The following MLLT1 variants were observed in gnomAD, a reference collection of about 807,000 sequenced individuals.
MLLT1 encodes MLLT1 super elongation complex subunit, also known as protein ENL.
In MLLT1, 11 loss-of-function variants were observed where a neutral mutation model predicts 55.1. The ratio of observed to expected loss-of-function variants is 0.20; its 90% confidence interval spans 0.13 to 0.33. The LOEUF (loss-of-function observed/expected upper bound fraction) is 0.33. Among genes scored for constraint, MLLT1 ranks in the 10% least tolerant of loss-of-function variants. The probability of loss-of-function intolerance (pLI) is 1.00; values close to 1 mark genes in which losing one functional copy is unlikely to be tolerated. For missense variants in MLLT1, 536 were observed against 760.6 expected (o/e 0.70, Z 3.47); for synonymous variants, 323 against 320.1 (o/e 1.01, Z -0.10).
chr19:6,217,593 G>A (rs964452387), intron 7 of MLLT1, among the ~76,000 whole-genome samples: 1 of 152,230 alleles, frequency 6.6e-6, no homozygotes, highest in Non-Finnish European at 1.5e-5. Flanking sequence ...GCTGGCCCTG[G>A]GGAGCGGGTG....
rs143070765 is a variant in MLLT1, at chr19:6,229,647, G to A, written c.420+923C>T. On this transcript the variant is annotated intron_variant, in intron 4 of 11. Transcript: ENST00000252674. This position sits in a 1 kb window ranked among gnomAD's most constrained non-coding sequence, Gnocchi z 5.2. ...CCATGCACACACCATACATGACACA[G>A]CAGACAGCGTATGTACATACCACAC... Among the ~76,000 whole-genome samples the A allele has an allele frequency of 7.6e-4, 114 of 150,852 alleles. No homozygotes were observed. The highest frequency in any genetic ancestry group is 1.2e-3 in the Non-Finnish European group (83 of 67,656).
intron 3 of MLLT1, among the ~76,000 whole-genome samples, chr19:6,254,293 C>A (rs542650417): frequency 6.6e-6 from 1 of 152,364 alleles, no homozygotes; most frequent in African/African-American, 2.4e-5. Context: ...AACGTCAGCA[C>A]CCTTCCCACA....
intron 7 of MLLT1, 162 bp from the exon 8 acceptor site, chr19:6,216,675 C>T (rs2090847626): frequency 3.4e-6 from 2 of 583,126 alleles, no homozygotes; most frequent in South Asian, 4.1e-5. Flanking sequence ...CTAAGAACTG[C>T]CCCCACACCG....
chr19:6,211,169 C>T lies in MLLT1; in HGVS notation c.*1873G>A, dbSNP rs1227495758. On this transcript the variant is annotated 3_prime_UTR_variant, in exon 12 of 12. Transcript: ENST00000252674. This position sits in a 1 kb window ranked among gnomAD's most constrained non-coding sequence, Gnocchi z 4.6. ...AGCAGCACGGGCCCCCGGTCAGCCCCCCTCAGGCCAGTTCCTTCAGTCCAA... is the reference window on the plus strand; with the variant it reads ...AGCAGCACGGGCCCCCGGTCAGCCCTCCTCAGGCCAGTTCCTTCAGTCCAA... The T allele has an allele frequency of 3.0e-5, 7 of 232,882 alleles. No homozygotes were observed. The East Asian group carries it at 4.2e-4, about 14-fold the overall frequency. The allele number at this position is 232,882 out of a possible 1,614,324, so 14.4% of individuals were successfully genotyped here. A position where few individuals can be genotyped will look rare whatever the true frequency, so the allele number is the denominator to read the frequency against.
chr19:6,227,014 G>A lies in MLLT1; in HGVS notation c.509C>T (p.Ser170Phe), dbSNP rs1568279661. 1 of 1,606,874 alleles carries A rather than the reference G, an allele frequency of 6.2e-7. No individual in the cohort carries two copies. The highest frequency in any genetic ancestry group is 8.5e-7 in the Non-Finnish European group (1 of 1,177,318). The change falls in exon 5 of 12, where the codon TCT (serine) becomes TTT (phenylalanine). Residue 170 changes from serine to phenylalanine, a missense_variant. Ser to Phe is a radical substitution (Grantham distance 155). Transcript: ENST00000252674. This position sits in a 1 kb window ranked among gnomAD's most constrained non-coding sequence, Gnocchi z 5.1. ...MLPTIPLSAF[S>F]DPKKTKPSHG... is the part of the protein sequence containing the mutation. ...GGATGGTTTGGTCTTCTTGGGGTCAGAGAAGGCAGAGAGTGGAATTGTGGG... is the reference window on the plus strand; with the variant it reads ...GGATGGTTTGGTCTTCTTGGGGTCAAAGAAGGCAGAGAGTGGAATTGTGGG...
rs1463196274 is a variant in MLLT1 at position 6,223,000 on chromosome 19, C to T, written c.547-316G>A. Among the ~76,000 whole-genome samples the T allele has an allele frequency of 6.6e-6, 1 of 152,164 alleles. No individual in the cohort carries two copies. The highest frequency in any genetic ancestry group is 1.9e-4 in the East Asian group (1 of 5,184). ...GTCAGGCAGAGCATGGCCACTTCGCCCGCACCCGCCCGCCCTAACACCTCA... is the reference window on the plus strand; with the variant it reads ...GTCAGGCAGAGCATGGCCACTTCGCTCGCACCCGCCCGCCCTAACACCTCA... On this transcript the variant is annotated intron_variant, in intron 5 of 11. Coordinates refer to ENST00000252674, the MANE Select transcript of MLLT1 (RefSeq NM_005934.4). The surrounding 1 kb of genome is among the most constrained non-coding windows in gnomAD (Gnocchi z 4.1).
chr19:6,233,074 G>A (rs889311448), intron 3 of MLLT1, among the ~76,000 whole-genome samples: 15 of 152,198 alleles, frequency 9.9e-5, no homozygotes, highest in Non-Finnish European at 1.5e-5. Flanking sequence ...TAAGCTCGCA[G>A]GTGTACGGCC....
At chr19:6,251,986 C>G (rs542099767) in intron 3 of MLLT1, among the ~76,000 whole-genome samples, 7 of 152,132 alleles carry the variant, frequency 4.6e-5, no homozygotes, top group African/African-American at 1.4e-4. Context: ...CCTAGAGACC[C>G]GGTAAGGCAT....
Position 6,240,538 on chromosome 19 carries a change from C to T in MLLT1, c.277-9825G>A, listed in dbSNP as rs2091104600. Among the ~76,000 whole-genome samples the T allele has an allele frequency of 6.6e-6, 1 of 152,202 alleles. No individual in the cohort carries two copies. Among genetic ancestry groups the T allele is most frequent in the Admixed American group, 6.5e-5 (1 of 15,286 alleles). ...AGAACCCACCCCATATACAGGCACT[C>T]AAGTGCTACTCCTCATCACACGCTG... On this transcript the variant is annotated intron_variant, in intron 3 of 11. Coordinates refer to ENST00000252674, the MANE Select transcript of MLLT1 (RefSeq NM_005934.4). The surrounding 1 kb of genome is among the most constrained non-coding windows in gnomAD (Gnocchi z 4.7).
chr19:6,216,618 C>A (rs1409956511), intron 7 of MLLT1, 105 bp from the exon 8 acceptor site: 1 of 755,314 alleles, frequency 1.3e-6, no homozygotes, highest in Non-Finnish European at 2.1e-6. Context: ...ACACTGGTGA[C>A]CCCCAAATGC....
At position 6,211,650 on chromosome 19, in the gene MLLT1, A is replaced by G. The variant is rs1436476554; in HGVS notation, c.*1392T>C. ...AACTTGGTCAGGGCACAAGGACTTG[A>G]AAGGACTTGAAAGTCAGGGGGTTGA... is the stretch of plus-strand genomic sequence containing the variant. On this transcript the variant is annotated 3_prime_UTR_variant, in exon 12 of 12. Coordinates refer to ENST00000252674, the MANE Select transcript of MLLT1 (RefSeq NM_005934.4). This position sits in a 1 kb window ranked among gnomAD's most constrained non-coding sequence, Gnocchi z 4.6. 6 of 1,064,384 alleles carry G rather than the reference A, an allele frequency of 5.6e-6. No individual in the cohort carries two copies. The highest frequency in any genetic ancestry group is 5.7e-6 in the Non-Finnish European group (5 of 878,734). 65.9% of individuals were successfully genotyped at this position (1,064,384 alleles called of 1,614,324 possible). A position where few individuals can be genotyped will look rare whatever the true frequency, so the allele number is the denominator to read the frequency against.
At chr19:6,218,353 G>A (rs1016399870) in intron 6 of MLLT1, among the ~76,000 whole-genome samples, 1 of 152,246 alleles carries the variant, frequency 6.6e-6, no homozygotes, top group Non-Finnish European at 1.5e-5. Context: ...GGTACTGGGA[G>A]GGAGGCTGGG....
At chr19:6,218,896 C>T (rs2090870661) in intron 6 of MLLT1, among the ~76,000 whole-genome samples, 1 of 152,180 alleles carries the variant, frequency 6.6e-6, no homozygotes, top group South Asian at 2.1e-4. Context: ...GCCCCCTCAC[C>T]TTGGGGGCCC....
intron 2 of MLLT1, among the ~76,000 whole-genome samples, chr19:6,263,821 C>A (rs2091324747): frequency 6.6e-6 from 1 of 152,130 alleles, no homozygotes; most frequent in South Asian, 2.1e-4. Context: ...CAGAGTCTGC[C>A]ATGGGGGCGC....
rs1050636780 is a variant in MLLT1, at chr19:6,212,228, C to T, written c.*814G>A. 5.6e-6 allele frequency: 6 copies of T among 1,065,902 alleles called. No homozygotes were observed. The highest frequency in any genetic ancestry group is 5.3e-5 in the Admixed American group (1 of 18,742). The allele number at this position is 1,065,902 out of a possible 1,614,324, so 66.0% of individuals were successfully genotyped here. On this transcript the variant is annotated 3_prime_UTR_variant, in exon 12 of 12. Transcript: ENST00000252674. ...GTGGCTCCCGGGCGCCCTGAGGACTCGCTGCCCTTTGTAGTGTTGGCTGAC... is the reference window on the plus strand; with the variant it reads ...GTGGCTCCCGGGCGCCCTGAGGACTTGCTGCCCTTTGTAGTGTTGGCTGAC...
intron 3 of MLLT1, among the ~76,000 whole-genome samples, chr19:6,233,460 G>T (rs2091031487): frequency 6.6e-6 from 1 of 152,224 alleles, no homozygotes; most frequent in Admixed American, 6.5e-5. Context: ...CCCCAGGCGG[G>T]GAGGTGTGAC....
intron 5 of MLLT1, among the ~76,000 whole-genome samples, chr19:6,224,129 G>A (rs1354536496): frequency 6.6e-6 from 1 of 152,228 alleles, no homozygotes; most frequent in African/African-American, 2.4e-5. Flanking sequence ...AAAAACCACA[G>A]GGCAGACACA....
chr19:6,253,145 G>C (rs1375645156), intron 3 of MLLT1, among the ~76,000 whole-genome samples: 1 of 151,118 alleles, frequency 6.6e-6, no homozygotes, highest in African/African-American at 2.4e-5. Context: ...CACACCCGTA[G>C]TCCCAGCTAC....
At chr19:6,234,603 G>A (rs537486542) in intron 3 of MLLT1, among the ~76,000 whole-genome samples, 55 of 152,240 alleles carry the variant, frequency 3.6e-4, no homozygotes, top group Non-Finnish European at 6.6e-4. Context: ...CCACTTGGCC[G>A]ACAGCAGAGA....
Sources: gnomAD v4.1 joint callset for allele counts (sites outside exome capture counted in the v4.1 genomes callset) on GRCh38, gnomAD v4.1.1 for gene constraint, Gnocchi (gnomAD v3.1) non-coding constraint, MANE v1.5 for transcripts, NCBI Gene and HGNC (gene_info 2026-07-23, HGNC 2026-07-21) for gene names.